Variants in MICAL3 observed in about 807,000 individuals in gnomAD.
The protein encoded by MICAL3 is microtubule associated monooxygenase, calponin and LIM domain containing 3.
MICAL3 carries 62 observed loss-of-function variants against 207.4 expected under a neutral mutation model. The ratio of observed to expected loss-of-function variants is 0.30; its 90% CI spans 0.24 to 0.37. MICAL3 has a LOEUF of 0.37. MICAL3 is among the 10% of genes least tolerant of loss of function. MICAL3 has a pLI of 1.00. For missense variants in MICAL3, 2,368 were observed against 2,635.6 expected, an observed-to-expected ratio of 0.90 and a Z score of 2.22; for synonymous variants, 1,077 against 1,069.3, an observed-to-expected ratio of 1.01 and a Z score of -0.14.
intron 1 of MICAL3, among the ~76,000 whole-genome samples, chr22:17,908,896 T>C (rs1036174199): frequency 6.6e-6 from 1 of 152,172 alleles, no homozygotes; most frequent in Non-Finnish European, 1.5e-5. Flanking sequence ...AGGCACCATG[T>C]TCCAGAATGA....
chr22:17,952,014 G>GC (rs1400182085), intron 1 of MICAL3, among the ~76,000 whole-genome samples: 1 of 152,094 alleles, frequency 6.6e-6, no homozygotes, highest in East Asian at 1.9e-4. Flanking sequence ...TCTTAAAAGT[G>GC]CCCCACAAGA....
chr22:17,974,616 T>C (rs757009998), intron 1 of MICAL3, among the ~76,000 whole-genome samples: 1 of 151,312 alleles, frequency 6.6e-6, no homozygotes, highest in Non-Finnish European at 1.5e-5. Flanking sequence ...TCCAGCTACT[T>C]GGGAGGCTGA....
chr22:17,991,146 CG>C (rs1921636760), intron 1 of MICAL3, among the ~76,000 whole-genome samples: 1 of 152,186 alleles, frequency 6.6e-6, no homozygotes, highest in African/African-American at 2.4e-5. Context: ...ACTGACAGCC[CG>C]TGACAGCACC....
chr22:17,917,827 G>A (rs952881649), intron 1 of MICAL3, among the ~76,000 whole-genome samples: 2 of 152,130 alleles, frequency 1.3e-5, no homozygotes, highest in African/African-American at 2.4e-5. Context: ...AGAAGGCCCC[G>A]CCCCTGCCCC....
Position 17,906,782 on chromosome 22 carries a change from G to T in MICAL3, c.31C>A (p.Pro11Thr), listed in dbSNP as rs11913706. 8.7e-6 allele frequency: 14 copies of T among 1,611,906 alleles called. No homozygotes were observed. The highest frequency in any genetic ancestry group is 1.3e-5 in the African/African-American group (1 of 74,848). Residue 11 changes from proline to threonine, a missense_variant, in exon 2 of 32, where the codon CCA becomes ACA. By Grantham distance (38) the Pro-to-Thr change is conservative (BLOSUM62 -1). Around this residue, in one of 4 missense-constraint regions of MICAL3, gnomAD observed 400 missense variants for 547.0 expected, o/e 0.73. Transcript: ENST00000441493. MEERKHETMNPAHVLFDRFVQ... is the reference protein window; with the variant it reads MEERKHETMNTAHVLFDRFVQ... ...AACCGGTCAAAGAGGACATGAGCTG[G>T]GTTCATGGTCTCATGCTTCCTCTCC...
At chr22:17,904,985 T>A in intron 2 of MICAL3, 146 bp from the exon 3 acceptor site, 1 of 651,328 alleles carries the variant, frequency 1.5e-6, no homozygotes, top group South Asian at 1.8e-5. Context: ...CCTACGTGGG[T>A]CACAGCAGAG....
chr22:17,971,886 G>A (rs1201029909), intron 1 of MICAL3, among the ~76,000 whole-genome samples: 6 of 152,200 alleles, frequency 3.9e-5, no homozygotes, highest in African/African-American at 9.6e-5. Context: ...CACGTGCACC[G>A]GCACAGGCGA....
chr22:17,880,201 G>A (rs924624724), intron 16 of MICAL3, among the ~76,000 whole-genome samples: 1 of 152,134 alleles, frequency 6.6e-6, no homozygotes, highest in Admixed American at 6.5e-5. Flanking sequence ...AGCCAGATTC[G>A]AGTCTGGCTG....
At chr22:18,020,913 C>CAAATAAATAAATAAAT (rs200685200) in intron 1 of MICAL3, among the ~76,000 whole-genome samples, 7 of 134,214 alleles carry the variant, frequency 5.2e-5, no homozygotes, top group Non-Finnish European at 9.4e-5. Context: ...GACCCTGTCT[C>CAAATAAATAAATAAAT]AAATAAATAA....
chr22:17,937,257 T>C (rs908795171), intron 1 of MICAL3, among the ~76,000 whole-genome samples: 25 of 152,228 alleles, frequency 1.6e-4, no homozygotes, highest in African/African-American at 5.5e-4. Flanking sequence ...TCCCTAACTG[T>C]TCTACCACAG....
At chr22:18,016,941 A>G (rs1347963075) in intron 1 of MICAL3, among the ~76,000 whole-genome samples, 1 of 93,042 alleles carries the variant, frequency 1.1e-5, no homozygotes, top group Non-Finnish European at 2.5e-5. Context: ...CTCTGTCTCA[A>G]AAAAAAAAAA....
At chr22:17,949,516 C>T (rs563949027) in intron 1 of MICAL3, among the ~76,000 whole-genome samples, 5 of 152,310 alleles carry the variant, frequency 3.3e-5, no homozygotes, top group South Asian at 2.1e-4. Context: ...CCTCCCCAAA[C>T]GGTGCCTTAC....
chr22:17,941,900 G>T lies in MICAL3; in HGVS notation c.-74-35014C>A, dbSNP rs987874502. ...TCCAGGGCCCAGGAGGGGGAAAGCA[G>T]AAGGAAGGCCTGGGGCTGCAGCACA... On this transcript the variant is annotated intron_variant, in intron 1 of 31. Coordinates refer to ENST00000441493, the MANE Select transcript of MICAL3 (RefSeq NM_015241.3). Among the ~76,000 whole-genome samples, 26 of 152,314 alleles carry T rather than the reference G, an allele frequency of 1.7e-4. 1 individual carries two copies. Among genetic ancestry groups the T allele is most frequent in the African/African-American group, 6.3e-4 (26 of 41,574 alleles).
chr22:17,804,805 G>A (rs2061974018), intron 29 of MICAL3, among the ~76,000 whole-genome samples: 1 of 152,192 alleles, frequency 6.6e-6, no homozygotes, highest in Admixed American at 6.5e-5. Context: ...GCCTCCCCTT[G>A]AGAGTGACAC....
At chr22:17,862,680 C>T (rs760926417) in intron 19 of MICAL3, 11 of 985,374 alleles carry the variant, frequency 1.1e-5, no homozygotes, top group Non-Finnish European at 1.3e-5. Context: ...TTCATGCCAG[C>T]CATAAAATAC....
intron 1 of MICAL3, among the ~76,000 whole-genome samples, chr22:17,929,471 C>T (rs536678717): frequency 1.3e-5 from 2 of 151,954 alleles, no homozygotes; most frequent in African/African-American, 2.4e-5. Flanking sequence ...GAAAAAAGAC[C>T]GATAAGTAAC....
At chr22:17,834,373 C>T in intron 20 of MICAL3, 2 of 1,249,908 alleles carry the variant, frequency 1.6e-6, no homozygotes, top group East Asian at 6.2e-5. Flanking sequence ...CTTCCCCTCA[C>T]AACGCACTTG....
intron 1 of MICAL3, among the ~76,000 whole-genome samples, chr22:17,933,050 T>C (rs1301176993): frequency 2.6e-5 from 4 of 152,132 alleles, no homozygotes; most frequent in Non-Finnish European, 5.9e-5. Context: ...CTGTCAATAT[T>C]AGACAGATCA....
intron 1 of MICAL3, chr22:18,004,421 C>G (rs1277129118): frequency 1.3e-5 from 2 of 152,172 alleles, no homozygotes; most frequent in African/African-American, 4.8e-5. Flanking sequence ...GCCAACACGC[C>G]CAGCTAATTT....
Sources: gnomAD v4.1 joint callset for allele counts (sites outside exome capture counted in the v4.1 genomes callset) on GRCh38, gnomAD v4.1.1 for gene constraint, gnomAD v4.1.1 regional missense constraint, MANE v1.5 for transcripts, NCBI Gene and HGNC (gene_info 2026-07-23, HGNC 2026-07-21) for gene names.